Variants in KCNJ6 observed in about 807,000 individuals in gnomAD.
KCNJ6 encodes the protein G protein-activated inward rectifier potassium channel 2.
A neutral mutation model predicts 34.2 loss-of-function variants in KCNJ6; 9 were observed. That is an observed-to-expected ratio of 0.26 (90% CI 0.16 to 0.46). The LOEUF is 0.46. KCNJ6 is among the 20% of genes least tolerant of loss of function. The probability of loss-of-function intolerance (pLI) is 1.00; values close to 1 mark genes in which losing one functional copy is unlikely to be tolerated. For missense variants in KCNJ6, 236 were observed against 531.3 expected, an observed-to-expected ratio of 0.44 and a Z score of 5.46; for synonymous variants, 196 against 207.1, an observed-to-expected ratio of 0.95 and a Z score of 0.46.
At chr21:37,632,446 A>C (rs1314667944) in intron 3 of KCNJ6, among the ~76,000 whole-genome samples, 2 of 152,150 alleles carry the variant, frequency 1.3e-5, no homozygotes. Context: ...AATGTTTAGA[A>C]TATTCAACTG....
At chr21:37,859,506 TATATATATATATATATATATATATAAAA>T (rs2055583102) in intron 1 of KCNJ6, among the ~76,000 whole-genome samples, 2 of 47,812 alleles carry the variant, frequency 4.2e-5, no homozygotes, top group African/African-American at 1.1e-4. Context: ...TATATATATA[TATATATATATATATATATATATATAAAA>T]TACTTAAAAA....
At chr21:37,822,605 C>T (rs1025887192) in intron 2 of KCNJ6, among the ~76,000 whole-genome samples, 5 of 152,182 alleles carry the variant, frequency 3.3e-5, no homozygotes, top group Admixed American at 3.3e-4. Flanking sequence ...TGAGAGGATG[C>T]TTTATATTGG....
intron 3 of KCNJ6, among the ~76,000 whole-genome samples, chr21:37,642,620 A>G (rs1415609672): frequency 1.3e-5 from 2 of 149,510 alleles, no homozygotes; most frequent in African/African-American, 5.0e-5. Context: ...GGAGAAGGCA[A>G]AAGTTAGCAA....
At chr21:37,636,640 T>G (rs1221612514) in intron 3 of KCNJ6, among the ~76,000 whole-genome samples, 1 of 152,136 alleles carries the variant, frequency 6.6e-6, no homozygotes, top group Non-Finnish European at 1.5e-5. Flanking sequence ...TCACTCTGCC[T>G]AGGATCCAGG....
Position 37,618,141 on chromosome 21 carries a change from G to A in KCNJ6, c.*7018C>T, listed in dbSNP as rs2835837. 0.29 allele frequency: 44,788 copies of A among 152,222 alleles called. 6,908 individuals are homozygous for A. The highest frequency in any genetic ancestry group is 0.34 in the South Asian group (1,630 of 4,824). The allele number at this position is 152,222 out of a possible 1,614,324, so 9.4% of individuals were successfully genotyped here. ...GAGAGATGATGTCAGGGCGATGCCC[G>A]TGATGGCCGGATCTGAGGACAGTGC... On this transcript the variant is annotated 3_prime_UTR_variant, in exon 4 of 4. Coordinates refer to ENST00000609713, the MANE Select transcript of KCNJ6 (RefSeq NM_002240.5).
intron 2 of KCNJ6, among the ~76,000 whole-genome samples, chr21:37,822,913 A>T (rs1205827664): frequency 6.6e-6 from 1 of 152,202 alleles, no homozygotes; most frequent in Non-Finnish European, 1.5e-5. Context: ...AAGACTTTTC[A>T]GTCCTCATTC....
chr21:37,638,916 C>T (rs535211162), intron 3 of KCNJ6, among the ~76,000 whole-genome samples: 23 of 152,328 alleles, frequency 1.5e-4, no homozygotes, highest in African/African-American at 5.3e-4. Context: ...ACATACAAAA[C>T]ACTTTCGGAA....
chr21:37,741,072 T>C (rs955959257), intron 2 of KCNJ6, among the ~76,000 whole-genome samples: 1 of 152,244 alleles, frequency 6.6e-6, no homozygotes, highest in South Asian at 2.1e-4. Context: ...TATATGTAGA[T>C]GACTTCCTCA....
intron 2 of KCNJ6, among the ~76,000 whole-genome samples, chr21:37,745,072 G>T (rs1487142905): frequency 1.1e-5 from 1 of 89,458 alleles, no homozygotes. Flanking sequence ...AACGTTGCTG[G>T]TTTTTTTTTT....
At position 37,647,805 on chromosome 21, in the gene KCNJ6, C is replaced by T. The variant is rs987778855; in HGVS notation, c.947-22321G>A. On this transcript the variant is annotated intron_variant, in intron 3 of 3. Transcript: ENST00000609713. ...TGCTTCCTCATGTGGAACACCTCTG[C>T]CCCCCAATGACATGGTGTGGCCCCG... Among the ~76,000 whole-genome samples the T allele has an allele frequency of 1.5e-3, 226 of 152,290 alleles. 1 individual carries two copies. The highest frequency in any genetic ancestry group is 5.3e-3 in the African/African-American group (220 of 41,548).
chr21:37,797,286 AGTG>A (rs1470204632), intron 2 of KCNJ6, among the ~76,000 whole-genome samples: 1 of 151,178 alleles, frequency 6.6e-6, no homozygotes, highest in Non-Finnish European at 1.5e-5. Context: ...CCTGACCTCA[AGTG>A]ATCTGCCCGC....
At chr21:37,682,143 C>A (rs893232603) in intron 3 of KCNJ6, among the ~76,000 whole-genome samples, 3 of 152,172 alleles carry the variant, frequency 2.0e-5, no homozygotes, top group African/African-American at 7.2e-5. Flanking sequence ...GCCGCAGTAA[C>A]AAATTACCAC....
intron 2 of KCNJ6, among the ~76,000 whole-genome samples, chr21:37,816,226 T>C (rs2055346167): frequency 6.6e-6 from 1 of 152,128 alleles, no homozygotes; most frequent in Non-Finnish European, 1.5e-5. Context: ...CGCTCTGTGG[T>C]AGGTGCTGCA....
chr21:37,678,210 G>C (rs191577775), intron 3 of KCNJ6, among the ~76,000 whole-genome samples: 44 of 152,304 alleles, frequency 2.9e-4, no homozygotes, highest in African/African-American at 9.9e-4. Context: ...TAATTATCTA[G>C]AAGCGACAGC....
chr21:37,647,831 A>C (rs1277084648), intron 3 of KCNJ6, among the ~76,000 whole-genome samples: 1 of 152,150 alleles, frequency 6.6e-6, no homozygotes, highest in African/African-American at 2.4e-5. Flanking sequence ...TGTGGCCCCG[A>C]CTTTGGGAAC....
At chr21:37,646,511 A>G (rs997389462) in intron 3 of KCNJ6, among the ~76,000 whole-genome samples, 2 of 152,128 alleles carry the variant, frequency 1.3e-5, no homozygotes, top group Non-Finnish European at 2.9e-5. Context: ...TCTCTGGGCT[A>G]ATCTCTGTCA....
chr21:37,646,943 G>A (rs922567379), intron 3 of KCNJ6, among the ~76,000 whole-genome samples: 7 of 152,116 alleles, frequency 4.6e-5, no homozygotes, highest in African/African-American at 1.7e-4. Context: ...AAAGTGCTGG[G>A]ATTACAGGCC....
chr21:37,826,502 T>C (rs2055399605), intron 2 of KCNJ6, among the ~76,000 whole-genome samples: 1 of 152,202 alleles, frequency 6.6e-6, no homozygotes, highest in South Asian at 2.1e-4. Context: ...TTTAACTTTT[T>C]ATGTCAGACT....
intron 2 of KCNJ6, among the ~76,000 whole-genome samples, chr21:37,793,895 G>A (rs964009271): frequency 6.6e-6 from 1 of 152,220 alleles, no homozygotes; most frequent in African/African-American, 2.4e-5. Context: ...ACCATAAATG[G>A]AAGGCAGGAA....
Sources: gnomAD v4.1 joint callset for allele counts (sites outside exome capture counted in the v4.1 genomes callset) on GRCh38, gnomAD v4.1.1 for gene constraint, MANE v1.5 for transcripts, NCBI Gene and HGNC (gene_info 2026-07-23, HGNC 2026-07-21) for gene names.